The following JMJD1C variants were observed in gnomAD, a reference collection of about 807,000 sequenced individuals.
JMJD1C encodes jumonji domain-containing protein 1C.
In JMJD1C, 31 loss-of-function variants were observed where a neutral mutation model predicts 245.3. The ratio of observed to expected loss-of-function variants is 0.13; its 90% CI spans 0.09 to 0.17. JMJD1C has a LOEUF of 0.17. Ranked by LOEUF, JMJD1C falls within the 10% of genes least tolerant of loss-of-function variation. JMJD1C has a pLI of 1.00. For missense variants in JMJD1C, 2,691 were observed against 3,000.2 expected (o/e 0.90, Z 2.41); for synonymous variants, 1,057 against 1,017.4 (o/e 1.04, Z -0.74).
chr10:63,224,266 T>A (rs560113159), intron 3 of JMJD1C, among the ~76,000 whole-genome samples: 100 of 152,344 alleles, frequency 6.6e-4, no homozygotes, highest in Non-Finnish European at 1.2e-3. Context: ...TACTAATATT[T>A]CCCTCTTTTT....
chr10:63,510,168 T>C (rs1312846309), intron 1 of JMJD1C, among the ~76,000 whole-genome samples: 1 of 151,850 alleles, frequency 6.6e-6, no homozygotes, highest in Admixed American at 6.6e-5. Flanking sequence ...CACGCCCGGA[T>C]AATTTTTTGT....
At chr10:63,494,818 C>G (rs777315706) in intron 1 of JMJD1C, among the ~76,000 whole-genome samples, 1 of 152,176 alleles carries the variant, frequency 6.6e-6, no homozygotes, top group Non-Finnish European at 1.5e-5. Flanking sequence ...GAGGCTCACA[C>G]TGGTCAGGTC....
intron 2 of JMJD1C, among the ~76,000 whole-genome samples, chr10:63,359,433 G>C (rs1032294790): frequency 6.6e-6 from 1 of 152,136 alleles, no homozygotes; most frequent in Non-Finnish European, 1.5e-5. Context: ...TTGAAAATGT[G>C]ATCTAATATT....
intron 19 of JMJD1C, 51 bp downstream of exon 19, chr10:63,186,164 T>C (rs771537091): frequency 7.5e-7 from 1 of 1,328,860 alleles, no homozygotes. Context: ...TTGGAATTTA[T>C]CATTTTGAAG....
chr10:63,519,129 C>G (rs766033002), intron 1 of JMJD1C, among the ~76,000 whole-genome samples: 10 of 152,130 alleles, frequency 6.6e-5, no homozygotes, highest in African/African-American at 9.7e-5. Context: ...AGGCACTGTT[C>G]CAGGTAAATA....
chr10:63,521,488 T>TG, intron 1 of JMJD1C: 1 of 1,239,510 alleles, frequency 8.1e-7, no homozygotes, highest in Non-Finnish European at 1.0e-6. Flanking sequence ...GTTGGCGGCC[T>TG]GGTCCGCAGC....
In JMJD1C at chr10:63,167,376, ATTAAG is replaced by A. The variant is rs1841954077; in HGVS notation, c.*664_*668del. The A allele has an allele frequency of 6.6e-6, 1 of 152,658 alleles. No individual in the cohort carries two copies. The highest frequency in any genetic ancestry group is 6.5e-5 in the Admixed American group (1 of 15,286). 9.5% of individuals were successfully genotyped at this position (152,658 alleles called of 1,614,324 possible). On this transcript the variant is annotated 3_prime_UTR_variant, in exon 26 of 26. Transcript: ENST00000399262. ...ATATATGTATATATTTACATAGCATATTAAGTTTAATATTTAGCTTTAAAAGTTCA... is the reference window on the plus strand; with the variant it reads ...ATATATGTATATATTTACATAGCATATTTAATATTTAGCTTTAAAAGTTCA...
chr10:63,459,981 A>G (rs955371200), intron 1 of JMJD1C, among the ~76,000 whole-genome samples: 1 of 152,204 alleles, frequency 6.6e-6, no homozygotes, highest in African/African-American at 2.4e-5. Context: ...GGTTTACCTT[A>G]AAGTAGAAAA....
intron 2 of JMJD1C, among the ~76,000 whole-genome samples, chr10:63,373,427 A>C (rs1336703491): frequency 6.6e-6 from 1 of 152,218 alleles, no homozygotes; most frequent in Non-Finnish European, 1.5e-5. Flanking sequence ...AAATATGTTA[A>C]TGAGACAACA....
At chr10:63,473,670 T>C (rs547243679) in intron 1 of JMJD1C, among the ~76,000 whole-genome samples, 106 of 152,370 alleles carry the variant, frequency 7.0e-4, no homozygotes, top group African/African-American at 2.4e-3. Context: ...AGCTGAATTT[T>C]CTTTCGCTAC....
At chr10:63,368,217 T>C (rs1946016064) in intron 2 of JMJD1C, among the ~76,000 whole-genome samples, 1 of 152,174 alleles carries the variant, frequency 6.6e-6, no homozygotes, top group Non-Finnish European at 1.5e-5. Context: ...ACACTGCTTC[T>C]CTGAATCTGA....
rs1952019483 is a variant in JMJD1C, at chr10:63,450,862, C to T, written c.168+14633G>A. Among the ~76,000 whole-genome samples, 4 of 151,804 alleles carry T rather than the reference C, an allele frequency of 2.6e-5. No individual in the cohort carries two copies. In the South Asian group the frequency reaches 8.3e-4, roughly 32 times the overall value. On this transcript the variant is annotated intron_variant, in intron 1 of 25. Coordinates refer to ENST00000399262, the MANE Select transcript of JMJD1C (RefSeq NM_032776.3). ...ATTGGAAAAGAAGAAGTAAAATTAC[C>T]TCTGTTCAAATGACATAATTTGTTA...
chr10:63,376,982 C>G (rs758008799), intron 2 of JMJD1C, among the ~76,000 whole-genome samples: 2 of 152,190 alleles, frequency 1.3e-5, no homozygotes, highest in Non-Finnish European at 2.9e-5. Flanking sequence ...CATGTTCATA[C>G]CAGTATTATT....
At chr10:63,283,127 G>C (rs1857590359) in intron 2 of JMJD1C, among the ~76,000 whole-genome samples, 1 of 152,186 alleles carries the variant, frequency 6.6e-6, no homozygotes, top group African/African-American at 2.4e-5. Flanking sequence ...GCCCACTAAT[G>C]ATGTCCAAAA....
chr10:63,275,691 A>C (rs996977391), intron 2 of JMJD1C, among the ~76,000 whole-genome samples: 1 of 152,212 alleles, frequency 6.6e-6, no homozygotes, highest in Non-Finnish European at 1.5e-5. Flanking sequence ...TTTTGTTTCC[A>C]AAAATAGTTT....
At chr10:63,436,507 T>A (rs933471957) in intron 1 of JMJD1C, among the ~76,000 whole-genome samples, 4 of 152,188 alleles carry the variant, frequency 2.6e-5, no homozygotes, top group Non-Finnish European at 5.9e-5. Flanking sequence ...AACAGCACAT[T>A]ATACTAACCT....
At chr10:63,193,902 G>T (rs1265881245) in intron 14 of JMJD1C, among the ~76,000 whole-genome samples, 1 of 152,182 alleles carries the variant, frequency 6.6e-6, no homozygotes, top group Non-Finnish European at 1.5e-5. Flanking sequence ...TCCTGACCTC[G>T]TGATCCGCCG....
At chr10:63,381,850 T>C (rs1947243749) in intron 1 of JMJD1C, among the ~76,000 whole-genome samples, 1 of 152,150 alleles carries the variant, frequency 6.6e-6, no homozygotes, top group Non-Finnish European at 1.5e-5. Flanking sequence ...CATTATCTTC[T>C]AAATGTACAC....
intron 1 of JMJD1C, among the ~76,000 whole-genome samples, chr10:63,486,150 A>AAAAC (rs1178041425): frequency 8.9e-5 from 9 of 101,626 alleles, no homozygotes; most frequent in African/African-American, 3.0e-4. Context: ...AAAAAAAAAA[A>AAAAC]AAAAAAAAAA....
Sources: gnomAD v4.1 joint callset for allele counts (sites outside exome capture counted in the v4.1 genomes callset) on GRCh38, gnomAD v4.1.1 for gene constraint, MANE v1.5 for transcripts, NCBI Gene and HGNC (gene_info 2026-07-23, HGNC 2026-07-21) for gene names.